The following QRSL1 variants were observed in gnomAD, a reference collection of about 807,000 sequenced individuals.
The protein encoded by QRSL1 is glutamyl-tRNA(Gln) amidotransferase subunit A, mitochondrial.
In QRSL1, 54 loss-of-function variants were observed where a neutral mutation model predicts 61.6. The observed-to-expected ratio is 0.88, with a 90% CI of 0.70 to 1.10. The LOEUF (loss-of-function observed/expected upper bound fraction) is 1.10. QRSL1 is among the 50% of genes least tolerant of loss of function. QRSL1 has a pLI of 0.00. For synonymous variants in QRSL1, 228 were observed against 225.7 expected (o/e 1.01, Z -0.09); for missense variants, 505 against 622.6 (o/e 0.81, Z 2.01).
Position 106,642,044 on chromosome 6 carries a change from T to C in QRSL1, c.284-950T>C, listed in dbSNP as rs79403217. Among the ~76,000 whole-genome samples the C allele has an allele frequency of 2.0e-3, 306 of 152,314 alleles. 2 individuals are homozygous for C. Among genetic ancestry groups the C allele is most frequent in the African/African-American group, 7.1e-3 (294 of 41,572 alleles). ...TTAATTGCAGTTTAGACTCTTGATTTTTTGTTTTTTGTTTGTTTGTTTGTT... is the reference window on the plus strand; with the variant it reads ...TTAATTGCAGTTTAGACTCTTGATTCTTTGTTTTTTGTTTGTTTGTTTGTT... On this transcript the variant is annotated intron_variant, in intron 3 of 10. Coordinates refer to ENST00000369046, the MANE Select transcript of QRSL1 (RefSeq NM_018292.5).
intron 1 of QRSL1, among the ~76,000 whole-genome samples, chr6:106,633,569 A>G (rs902338186): frequency 3.9e-5 from 6 of 152,134 alleles, no homozygotes; most frequent in Non-Finnish European, 7.4e-5. Context: ...AAGGAGGTAA[A>G]ATGCCAAATA....
At chr6:106,641,678 G>A (rs910092588) in intron 3 of QRSL1, among the ~76,000 whole-genome samples, 22 of 152,144 alleles carry the variant, frequency 1.4e-4, no homozygotes, top group East Asian at 1.2e-3. Flanking sequence ...TGGAATATAC[G>A]CTAGAGCTTT....
At chr6:106,654,965 A>G in intron 8 of QRSL1, 43 bp downstream of exon 8, 1 of 1,484,206 alleles carries the variant, frequency 6.7e-7, no homozygotes, top group Non-Finnish European at 9.1e-7. Flanking sequence ...AGTTGTCGCA[A>G]ACATTTGAAA....
At chr6:106,661,872 C>A (rs1047894819) in intron 9 of QRSL1, among the ~76,000 whole-genome samples, 2 of 151,494 alleles carry the variant, frequency 1.3e-5, no homozygotes, top group Non-Finnish European at 2.9e-5. Context: ...CCACCACGCC[C>A]GGCTAATTTG....
rs1562165701 is a variant in QRSL1, at chr6:106,640,421, A to G, written c.97A>G (p.Lys33Glu). Residue 33 changes from lysine to glutamate, a missense_variant, in exon 2 of 11, where the codon AAG (lysine) becomes GAG (glutamate). Lys to Glu is a moderately conservative substitution (Grantham distance 56). Transcript: ENST00000369046. The part of the protein sequence containing the change: ...LCQKCLSLIK[K>E]TKFLNAYITV... Reference sequence around the variant, plus strand: ...TCAAAAATGTCTCTCTCTTATCAAGAAGACCAAGTTTCTAAATGCCTACAT... The same window carrying G: ...TCAAAAATGTCTCTCTCTTATCAAGGAGACCAAGTTTCTAAATGCCTACAT... 6 of 1,612,394 alleles carry G rather than the reference A, an allele frequency of 3.7e-6. No homozygotes were observed. The highest frequency in any genetic ancestry group is 5.1e-6 in the Non-Finnish European group (6 of 1,179,018).
rs1259035521 is a variant in QRSL1 at position 106,666,620 on chromosome 6, T to C, written c.*618T>C. 6.5e-6 allele frequency: 1 copy of C among 153,572 alleles called. No homozygotes were observed. The highest frequency in any genetic ancestry group is 1.4e-5 in the Non-Finnish European group (1 of 68,992). The allele number at this position is 153,572 out of a possible 1,614,324, so 9.5% of individuals were successfully genotyped here. ...AGATTAGGGATAAACTTCTCAAAAA[T>C]TGTACATCTGTGTAACTAAAGCACT... is the stretch of plus-strand genomic sequence containing the variant. On this transcript the variant is annotated 3_prime_UTR_variant, in exon 11 of 11. Coordinates refer to ENST00000369046, the MANE Select transcript of QRSL1 (RefSeq NM_018292.5).
intron 3 of QRSL1, 72 bp downstream of exon 3, chr6:106,640,993 T>A: frequency 9.6e-7 from 1 of 1,043,600 alleles, no homozygotes; most frequent in Non-Finnish European, 1.5e-6. Flanking sequence ...GATAATAAAG[T>A]ACCAAGATAA....
Position 106,663,183 on chromosome 6 carries a change from C to T in QRSL1, c.1364C>T (p.Ala455Val), listed in dbSNP as rs1178273284. 1.9e-6 allele frequency: 3 copies of T among 1,613,234 alleles called. No homozygotes were observed. The highest frequency in any genetic ancestry group is 8.5e-7 in the Non-Finnish European group (1 of 1,179,352). The change falls in exon 10 of 11, where the codon GCA becomes GTA. Residue 455 changes from alanine (A) to valine (V), a missense_variant and splice_region_variant. Ala to Val is a moderately conservative substitution (Grantham distance 64, BLOSUM62 0). Transcript: ENST00000369046. ...ATTTTTACACAAGCTGTAAATATGG[C>T]AGGTGAGGATTCCTCAGGAACATTC... ...DDIFTQAVNMAGLPAVSIPVA... is the reference protein window; with the variant it reads ...DDIFTQAVNMVGLPAVSIPVA...
chr6:106,664,924 T>C (rs1777408776), intron 10 of QRSL1, among the ~76,000 whole-genome samples: 1 of 152,200 alleles, frequency 6.6e-6, no homozygotes, highest in Admixed American at 6.5e-5. Context: ...CTTGAAATAT[T>C]AGCTAGAGAA....
intron 1 of QRSL1, 86 bp downstream of exon 1, chr6:106,629,791 G>C: frequency 6.6e-7 from 1 of 1,509,640 alleles, no homozygotes; most frequent in Non-Finnish European, 9.0e-7. Context: ...GCCTTACCAC[G>C]CATCTTGGCC....
intron 5 of QRSL1, among the ~76,000 whole-genome samples, chr6:106,650,804 G>T (rs796300740): frequency 3.9e-5 from 6 of 152,304 alleles, no homozygotes; most frequent in African/African-American, 1.4e-4. Flanking sequence ...GTCAGAACTG[G>T]TAACGGTTAT....
intron 2 of QRSL1, 89 bp from the exon 3 acceptor site, chr6:106,640,734 A>G (rs1346518387): frequency 1.6e-6 from 2 of 1,224,550 alleles, no homozygotes; most frequent in African/African-American, 3.0e-5. Flanking sequence ...ATCTTTGCCA[A>G]AAACTAGTAG....
chr6:106,645,874 T>G (rs1331294173), intron 4 of QRSL1, among the ~76,000 whole-genome samples: 1 of 152,252 alleles, frequency 6.6e-6, no homozygotes, highest in Admixed American at 6.5e-5. Context: ...TTGTGGATTC[T>G]GTGGAATATT....
intron 1 of QRSL1, among the ~76,000 whole-genome samples, chr6:106,632,302 TTTTC>T (rs1451480831): frequency 1.3e-5 from 2 of 152,242 alleles, no homozygotes; most frequent in African/African-American, 2.4e-5. Flanking sequence ...GCTATGTTGA[TTTTC>T]TTTCTTTTAG....
chr6:106,645,664 G>T (rs749113415), intron 4 of QRSL1, among the ~76,000 whole-genome samples: 1 of 152,008 alleles, frequency 6.6e-6, no homozygotes, highest in Admixed American at 6.5e-5. Flanking sequence ...CTTGTGATCC[G>T]CCCGCCTCGT....
chr6:106,657,693 T>C (rs1390774048), intron 9 of QRSL1, among the ~76,000 whole-genome samples: 1 of 152,162 alleles, frequency 6.6e-6, no homozygotes, highest in African/African-American at 2.4e-5. Flanking sequence ...AGTCAACTTA[T>C]GTGCCAGGAA....
chr6:106,659,291 CCTGTCTCTACTAAAAATACAAAAATTAG>C (rs1736886855), intron 9 of QRSL1, among the ~76,000 whole-genome samples: 1 of 152,002 alleles, frequency 6.6e-6, no homozygotes, highest in Admixed American at 6.6e-5. Flanking sequence ...ATGACAAGAC[CCTGTCTCTACTAAAAATACAAAAATTAG>C]CTGGGTGGGA....
At chr6:106,632,677 G>T (rs1456418740) in intron 1 of QRSL1, among the ~76,000 whole-genome samples, 1 of 152,154 alleles carries the variant, frequency 6.6e-6, no homozygotes, top group African/African-American at 2.4e-5. Context: ...ATATCTCATT[G>T]TAGTTTTGAT....
At chr6:106,636,885 A>G (rs1172196353) in intron 1 of QRSL1, among the ~76,000 whole-genome samples, 4 of 152,164 alleles carry the variant, frequency 2.6e-5, no homozygotes, top group Admixed American at 6.5e-5. Flanking sequence ...AAATTTTTCT[A>G]AGGAGGTATA....
Sources: allele counts gnomAD v4.1 joint callset (sites outside exome capture counted in the v4.1 genomes callset), GRCh38; gene constraint gnomAD v4.1.1; transcripts MANE v1.5; gene names NCBI Gene and HGNC (gene_info 2026-07-23, HGNC 2026-07-21).